The following RPA3 variants were observed in gnomAD, a reference collection of about 807,000 sequenced individuals.
RPA3 encodes replication protein A3, also known as replication protein A 14 kDa subunit.
A neutral mutation model predicts 13.7 loss-of-function variants in RPA3; 24 were observed. The ratio of observed to expected loss-of-function variants is 1.75; its 90% confidence interval spans 1.27 to 2.46. RPA3 has a LOEUF of 2.46. Ranked by LOEUF, RPA3 falls within the 30% of genes most tolerant of loss-of-function variation. The pLI, the probability that RPA3 is intolerant of heterozygous loss-of-function variation, is 0.00. For missense variants in RPA3, 183 were observed against 151.0 expected, an observed-to-expected ratio of 1.21 and a Z score of -1.11; for synonymous variants, 59 against 51.2, an observed-to-expected ratio of 1.15 and a Z score of -0.65.
chr7:7,705,966 C>T (rs1014114763), intron 2 of RPA3, among the ~76,000 whole-genome samples: 2 of 152,030 alleles, frequency 1.3e-5, no homozygotes, highest in African/African-American at 4.8e-5. Context: ...AAAAAATAAC[C>T]TCTGCTTTAA....
chr7:7,639,022 G>A (rs1464392898), intron 6 of RPA3, 48 bp downstream of exon 6: 2 of 1,367,246 alleles, frequency 1.5e-6, no homozygotes, highest in East Asian at 2.5e-5. Flanking sequence ...AAATCAAGAT[G>A]AAGAATTAAC....
chr7:7,655,984 C>T (rs1421622825), intron 4 of RPA3, among the ~76,000 whole-genome samples: 7 of 152,030 alleles, frequency 4.6e-5, no homozygotes, highest in African/African-American at 1.7e-4. Flanking sequence ...TACAGGCATG[C>T]GCCATCATGC....
intron 2 of RPA3, among the ~76,000 whole-genome samples, chr7:7,688,003 T>C (rs970728071): frequency 6.6e-6 from 1 of 152,204 alleles, no homozygotes; most frequent in African/African-American, 2.4e-5. Context: ...TTGAAGAAGT[T>C]GATAACTGAG....
chr7:7,675,623 G>A (rs1779719074), intron 4 of RPA3, among the ~76,000 whole-genome samples: 1 of 152,100 alleles, frequency 6.6e-6, no homozygotes, highest in South Asian at 2.1e-4. Flanking sequence ...GAATTTCCGG[G>A]ACCTAATTAC....
intron 2 of RPA3, among the ~76,000 whole-genome samples, chr7:7,690,588 T>C (rs559597729): frequency 6.6e-6 from 1 of 152,300 alleles, no homozygotes; most frequent in Admixed American, 6.5e-5. Flanking sequence ...GTTTTAGAGC[T>C]AAAAGGACAT....
Position 7,640,540 on chromosome 7 carries a change from C to T in RPA3, c.-122G>A. ...AGCGAAGACTAGCGCTCCAGCTTCG[C>T]CAATTAAATGCGCGGAAACCTAAAT... On this transcript the variant is annotated 5_prime_UTR_variant, in exon 5 of 8. Transcript: ENST00000223129. 1 of 864,368 alleles carries T rather than the reference C, an allele frequency of 1.2e-6. No homozygotes were observed. The highest frequency in any genetic ancestry group is 1.9e-6 in the Non-Finnish European group (1 of 539,926). 53.5% of individuals were successfully genotyped at this position (864,368 alleles called of 1,614,324 possible). A position where few individuals can be genotyped will look rare whatever the true frequency, so the allele number is the denominator to read the frequency against.
intron 4 of RPA3, among the ~76,000 whole-genome samples, chr7:7,648,501 G>T (rs142584189): frequency 1.3e-5 from 2 of 151,992 alleles, no homozygotes; most frequent in African/African-American, 4.8e-5. Flanking sequence ...ATTATGATTT[G>T]TCTTAGTCTA....
chr7:7,653,675 C>T (rs1296326400), intron 4 of RPA3, among the ~76,000 whole-genome samples: 1 of 152,160 alleles, frequency 6.6e-6, no homozygotes, highest in African/African-American at 2.4e-5. Flanking sequence ...TCTGACGCTC[C>T]CAGACCTAGG....
intron 4 of RPA3, among the ~76,000 whole-genome samples, chr7:7,665,702 C>G (rs2115097230): frequency 6.6e-6 from 1 of 152,258 alleles, no homozygotes; most frequent in East Asian, 1.9e-4. Context: ...TGTGTTCCTC[C>G]CCTCCCCAGG....
At chr7:7,665,500 A>C (rs1246167000) in intron 4 of RPA3, among the ~76,000 whole-genome samples, 2 of 152,248 alleles carry the variant, frequency 1.3e-5, no homozygotes, top group Non-Finnish European at 2.9e-5. Flanking sequence ...TGTGACATCT[A>C]ATTGTGTCAA....
At chr7:7,654,750 A>G (rs1785302133) in intron 4 of RPA3, among the ~76,000 whole-genome samples, 2 of 152,044 alleles carry the variant, frequency 1.3e-5, no homozygotes, top group Non-Finnish European at 2.9e-5. Flanking sequence ...TAAAAAATAC[A>G]AAAATTAGCC....
intron 4 of RPA3, among the ~76,000 whole-genome samples, chr7:7,683,638 T>A (rs376046411): frequency 5.9e-5 from 9 of 152,092 alleles, no homozygotes; most frequent in African/African-American, 1.7e-4. Flanking sequence ...TTTCTTTTTT[T>A]TAGACGGAGT....
At chr7:7,653,493 T>C (rs1314237915) in intron 4 of RPA3, among the ~76,000 whole-genome samples, 1 of 152,114 alleles carries the variant, frequency 6.6e-6, no homozygotes, top group Non-Finnish European at 1.5e-5. Flanking sequence ...GGTTTTCACA[T>C]GTATAGCATT....
intron 2 of RPA3, among the ~76,000 whole-genome samples, chr7:7,714,595 T>C (rs1032879556): frequency 3.3e-5 from 5 of 152,198 alleles, no homozygotes; most frequent in African/African-American, 1.2e-4. Flanking sequence ...GATTTGTAAA[T>C]ATCTTTAAAT....
At chr7:7,637,785 A>G in intron 7 of RPA3, 79 bp downstream of exon 7, 1 of 583,494 alleles carries the variant, frequency 1.7e-6, no homozygotes, top group Middle Eastern at 2.7e-4. Flanking sequence ...ACTGTATGTT[A>G]TGTAATTACA....
At chr7:7,668,234 C>A (rs554004528) in intron 4 of RPA3, among the ~76,000 whole-genome samples, 3 of 152,138 alleles carry the variant, frequency 2.0e-5, no homozygotes, top group Non-Finnish European at 4.4e-5. Flanking sequence ...CTTTTACTTA[C>A]ACAATGTGAA....
intron 2 of RPA3, among the ~76,000 whole-genome samples, chr7:7,691,396 T>G (rs1328567978): frequency 6.6e-6 from 1 of 152,242 alleles, no homozygotes; most frequent in Non-Finnish European, 1.5e-5. Flanking sequence ...CAATTTAAAC[T>G]TAGAATTACT....
intron 4 of RPA3, among the ~76,000 whole-genome samples, chr7:7,664,037 A>G (rs1227112849): frequency 6.6e-6 from 1 of 152,228 alleles, no homozygotes; most frequent in Admixed American, 6.5e-5. Context: ...GGCCAAGTCC[A>G]GTTTTAGAGG....
chr7:7,640,560 CT>C lies in RPA3; in HGVS notation c.-143del. 1 of 733,426 alleles carries C rather than the reference CT, an allele frequency of 1.4e-6. No individual in the cohort carries two copies. Among genetic ancestry groups the C allele is most frequent in the Non-Finnish European group, 2.3e-6 (1 of 434,756 alleles). 45.4% of individuals were successfully genotyped at this position (733,426 alleles called of 1,614,324 possible). ...CTTCGCCAATTAAATGCGCGGAAAC[CT>C]AAATCGCAATCGCGCTGTCTCTGAA... On this transcript the variant is annotated 5_prime_UTR_variant, in exon 5 of 8. Transcript: ENST00000223129.
Sources: gnomAD v4.1 joint callset for allele counts (sites outside exome capture counted in the v4.1 genomes callset) on GRCh38, gnomAD v4.1.1 for gene constraint, MANE v1.5 for transcripts, NCBI Gene and HGNC (gene_info 2026-07-23, HGNC 2026-07-21) for gene names.